Variants in TBL1X observed in about 807,000 individuals in gnomAD.
TBL1X encodes transducin beta like 1 X-linked, also known as F-box-like/WD repeat-containing protein TBL1X.
A neutral mutation model predicts 50.7 loss-of-function variants in TBL1X; 10 were observed. The ratio of observed to expected loss-of-function variants is 0.20; its 90% CI spans 0.12 to 0.33. The LOEUF (loss-of-function observed/expected upper bound fraction) is 0.33. Ranked by LOEUF, TBL1X falls within the 10% of genes least tolerant of loss-of-function variation. The pLI is 1.00. For synonymous variants in TBL1X, 190 were observed against 214.7 expected, an observed-to-expected ratio of 0.88 and a Z score of 1.01; for missense variants, 340 against 504.4, an observed-to-expected ratio of 0.67 and a Z score of 3.12.
chrX:9,684,444 C>T (rs2083044223), intron 6 of TBL1X, among the ~76,000 whole-genome samples: 1 of 108,143 alleles, frequency 9.2e-6, no homozygotes, highest in Non-Finnish European at 1.9e-5. Flanking sequence ...TTTAATTAGC[C>T]CAGTGTGGTG....
At chrX:9,550,534 C>T (rs57292205) in intron 2 of TBL1X, among the ~76,000 whole-genome samples, 7 of 112,098 alleles carry the variant, frequency 6.2e-5, no homozygotes, top group African/African-American at 2.3e-4. Context: ...TCTTCAAAAT[C>T]ATCTCGGTAG....
At chrX:9,670,271 C>T (rs1237903754) in intron 5 of TBL1X, among the ~76,000 whole-genome samples, 2 of 110,814 alleles carry the variant, frequency 1.8e-5, no homozygotes, top group South Asian at 3.9e-4. Context: ...TGCGAACAAC[C>T]GGTCCTGTGG....
chrX:9,531,760 T>C (rs2082163289), intron 2 of TBL1X, among the ~76,000 whole-genome samples: 1 of 107,799 alleles, frequency 9.3e-6, no homozygotes, highest in African/African-American at 3.4e-5. Context: ...TGAGACACGG[T>C]CTCATTCTGT....
chrX:9,693,946 G>T (rs1329142982), intron 11 of TBL1X, among the ~76,000 whole-genome samples: 2 of 111,779 alleles, frequency 1.8e-5, no homozygotes, highest in Non-Finnish European at 3.8e-5. Context: ...CTGCACCTGG[G>T]CAGGGCTGCA....
chrX:9,566,749 A>G (rs2082353588), intron 2 of TBL1X, among the ~76,000 whole-genome samples: 1 of 57,380 alleles, frequency 1.7e-5, no homozygotes, highest in Admixed American at 2.3e-4. Context: ...CTGCGGACAG[A>G]TCCTCTCTGT....
intron 1 of TBL1X, among the ~76,000 whole-genome samples, chrX:9,492,851 G>C (rs1308796031): frequency 2.9e-5 from 1 of 34,922 alleles, no homozygotes; most frequent in Non-Finnish European, 5.0e-5. Context: ...GTGTGTGTGT[G>C]TGTGTGTGTG....
At chrX:9,467,336 C>T (rs1407338746) in intron 1 of TBL1X, among the ~76,000 whole-genome samples, 1 of 111,883 alleles carries the variant, frequency 8.9e-6, no homozygotes, top group African/African-American at 3.3e-5. Context: ...TGGGTCCGGC[C>T]CCCTCCCAGT....
intron 12 of TBL1X, among the ~76,000 whole-genome samples, chrX:9,699,192 G>A: frequency 9.0e-6 from 1 of 111,361 alleles, no homozygotes; most frequent in Middle Eastern, 4.6e-3. Context: ...TGTTGGCCAG[G>A]CTGGTCTCAA....
chrX:9,696,993 A>T (rs1262505445), intron 11 of TBL1X, among the ~76,000 whole-genome samples: 1 of 112,358 alleles, frequency 8.9e-6, no homozygotes, highest in East Asian at 2.8e-4. Context: ...ATGCCAGCAT[A>T]TGTGGCTGAT....
At chrX:9,671,371 G>A (rs2082959476) in intron 5 of TBL1X, among the ~76,000 whole-genome samples, 1 of 112,602 alleles carries the variant, frequency 8.9e-6, no homozygotes, top group African/African-American at 3.2e-5. Flanking sequence ...GAACCTTGGC[G>A]CTCAGGGTTT....
chrX:9,612,677 A>T (rs1471375553), intron 2 of TBL1X, among the ~76,000 whole-genome samples: 2 of 111,166 alleles, frequency 1.8e-5, no homozygotes, highest in Non-Finnish European at 3.8e-5. Context: ...TTGGTCAGTG[A>T]TGTCTGAGAT....
intron 6 of TBL1X, among the ~76,000 whole-genome samples, chrX:9,685,676 T>C (rs1452486692): frequency 9.2e-6 from 1 of 108,155 alleles, no homozygotes; most frequent in African/African-American, 3.4e-5. Context: ...TTTTAGAAAA[T>C]CACAAAGTAA....
In TBL1X at chrX:9,688,039, G is replaced by A. The variant is rs1282300450; in HGVS notation, c.380G>A (p.Arg127His). The change falls in exon 7 of 18, where the codon CGC becomes CAC. Residue 127 changes from arginine to histidine, a missense_variant. Arg to His is a conservative substitution (Grantham distance 29). Transcript: ENST00000645353. ...CAGGATGGCACAGTGTTCGACGGCCGCCCCATAGAGTCCCTGTCACTGATA... is the reference window on the plus strand; with the variant it reads ...CAGGATGGCACAGTGTTCGACGGCCACCCCATAGAGTCCCTGTCACTGATA... The part of the protein sequence containing the change: ...INEDGTVFDG[R>H]PIESLSLIDA... 5.0e-6 allele frequency: 6 copies of A among 1,208,367 alleles called. No individual in the cohort carries two copies. The highest frequency in any genetic ancestry group is 6.7e-6 in the Non-Finnish European group (6 of 893,673).
intron 7 of TBL1X, among the ~76,000 whole-genome samples, chrX:9,688,894 C>T (rs1259923063): frequency 2.6e-5 from 3 of 113,592 alleles, no homozygotes; most frequent in African/African-American, 6.4e-5. Flanking sequence ...GCACCGTGTG[C>T]GCGCATGCAC....
chrX:9,551,183 G>A (rs1488847317), intron 2 of TBL1X, among the ~76,000 whole-genome samples: 5 of 111,421 alleles, frequency 4.5e-5, no homozygotes, highest in Non-Finnish European at 7.5e-5. Context: ...CTGGTTATAC[G>A]ATGGGTGTCC....
chrX:9,606,309 G>A (rs2082583167), intron 2 of TBL1X, among the ~76,000 whole-genome samples: 1 of 112,018 alleles, frequency 8.9e-6, no homozygotes, highest in Non-Finnish European at 1.9e-5. Flanking sequence ...CCATAAATGG[G>A]CACCTTGGTC....
intron 2 of TBL1X, among the ~76,000 whole-genome samples, chrX:9,513,038 C>A (rs1011120230): frequency 9.0e-6 from 1 of 110,869 alleles, no homozygotes; most frequent in African/African-American, 3.3e-5. Flanking sequence ...ATTCCGAGAA[C>A]CAAGCCTTGG....
chrX:9,690,713 T>TA (rs1054867873), intron 7 of TBL1X, among the ~76,000 whole-genome samples: 15 of 111,728 alleles, frequency 1.3e-4, no homozygotes, highest in African/African-American at 4.9e-4. Context: ...AGCCAGGGAC[T>TA]AGGTTTGGAT....
At chrX:9,684,916 G>T in intron 6 of TBL1X, among the ~76,000 whole-genome samples, 1 of 112,657 alleles carries the variant, frequency 8.9e-6, no homozygotes, top group East Asian at 2.8e-4. Context: ...ACATGGTCAG[G>T]TGGAATCTGT....
Sources: allele counts gnomAD v4.1 joint callset (sites outside exome capture counted in the v4.1 genomes callset), GRCh38; gene constraint gnomAD v4.1.1; transcripts MANE v1.5; gene names NCBI Gene and HGNC (gene_info 2026-07-23, HGNC 2026-07-21).